Variants in TMEM132D observed in about 807,000 individuals in gnomAD.
TMEM132D encodes transmembrane protein 132D.
A neutral mutation model predicts 62.3 loss-of-function variants in TMEM132D; 21 were observed. The observed-to-expected ratio is 0.34, with a 90% CI of 0.24 to 0.49. The LOEUF is 0.49. Among genes scored for constraint, TMEM132D ranks in the 20% least tolerant of loss-of-function variants. The pLI is 0.99. For synonymous variants in TMEM132D, 621 were observed against 575.6 expected (o/e 1.08, Z -1.13); for missense variants, 1,346 against 1,402.8 (o/e 0.96, Z 0.65).
In TMEM132D at chr12:129,500,865, T is replaced by C. The variant is rs1875118731; in HGVS notation, c.1115+30194A>G. On this transcript the variant is annotated intron_variant, in intron 3 of 8. Coordinates refer to ENST00000422113, the MANE Select transcript of TMEM132D (RefSeq NM_133448.3). ...ACCCCAGTCCTTTGTAGGTACCTGA[T>C]AAACCATCCACCAAGCAGTAATGAA... 2.0e-5 allele frequency among the ~76,000 whole-genome samples: 3 copies of C among 152,206 alleles called. No homozygotes were observed. In the South Asian group the frequency reaches 6.2e-4, roughly 31 times the overall value.
intron 5 of TMEM132D, among the ~76,000 whole-genome samples, chr12:129,195,358 G>T (rs1565993957): frequency 6.6e-6 from 1 of 152,074 alleles, no homozygotes; most frequent in East Asian, 1.9e-4. Context: ...AGGGTGGGGA[G>T]ATGGAATAGG....
chr12:129,338,802 T>C (rs1869373106), intron 3 of TMEM132D, among the ~76,000 whole-genome samples: 1 of 152,220 alleles, frequency 6.6e-6, no homozygotes, highest in Admixed American at 6.5e-5. Context: ...GTGACAAAGC[T>C]ATTGACATTT....
intron 3 of TMEM132D, among the ~76,000 whole-genome samples, chr12:129,374,400 A>G (rs1423458404): frequency 6.6e-6 from 1 of 152,174 alleles, no homozygotes. Context: ...ATTCAAATAC[A>G]GTCACATTGA....
At chr12:129,861,747 C>CT (rs1873906235) in intron 1 of TMEM132D, among the ~76,000 whole-genome samples, 1 of 107,716 alleles carries the variant, frequency 9.3e-6, no homozygotes, top group East Asian at 2.5e-4. Flanking sequence ...GAGAGAGACT[C>CT]TGTCTCAAAG....
At chr12:129,646,111 C>T (rs1261994867) in intron 2 of TMEM132D, among the ~76,000 whole-genome samples, 2 of 152,166 alleles carry the variant, frequency 1.3e-5, no homozygotes, top group African/African-American at 4.8e-5. Flanking sequence ...TCTGTTGGCT[C>T]GTACTTGAAT....
At chr12:129,141,352 A>G (rs111817473) in intron 5 of TMEM132D, among the ~76,000 whole-genome samples, 2 of 152,308 alleles carry the variant, frequency 1.3e-5, no homozygotes, top group African/African-American at 2.4e-5. Context: ...GTGGCTGTCC[A>G]TGTGTTTGTG....
At chr12:129,657,351 A>C (rs1463317228) in intron 2 of TMEM132D, among the ~76,000 whole-genome samples, 1 of 152,142 alleles carries the variant, frequency 6.6e-6, no homozygotes, top group Non-Finnish European at 1.5e-5. Context: ...GGCTGATCTC[A>C]CATTTCCACC....
intron 1 of TMEM132D, among the ~76,000 whole-genome samples, chr12:129,735,144 T>C (rs1232113920): frequency 6.6e-6 from 1 of 152,170 alleles, no homozygotes; most frequent in African/African-American, 2.4e-5. Context: ...ACCTCTTAAT[T>C]ACAGAGCAAT....
chr12:129,367,405 G>A (rs1870449902), intron 3 of TMEM132D, among the ~76,000 whole-genome samples: 1 of 152,080 alleles, frequency 6.6e-6, no homozygotes, highest in Non-Finnish European at 1.5e-5. Context: ...TTCCTTTAGG[G>A]AACTTCCCCT....
intron 3 of TMEM132D, among the ~76,000 whole-genome samples, chr12:129,500,613 AT>A (rs758026330): frequency 2.0e-5 from 3 of 152,154 alleles, no homozygotes; most frequent in Non-Finnish European, 4.4e-5. Flanking sequence ...TCAACTTTTG[AT>A]AAACACAACA....
chr12:129,498,519 G>T (rs532795160), intron 3 of TMEM132D, among the ~76,000 whole-genome samples: 1 of 152,172 alleles, frequency 6.6e-6, no homozygotes, highest in Non-Finnish European at 1.5e-5. Context: ...CTCCTAAAGC[G>T]CTGGGATTAG....
At chr12:129,429,694 AC>A (rs1399217082) in intron 3 of TMEM132D, among the ~76,000 whole-genome samples, 1 of 148,548 alleles carries the variant, frequency 6.7e-6, no homozygotes, top group East Asian at 2.0e-4. Flanking sequence ...TTAACTCGTC[AC>A]TTAGCATTAG....
intron 1 of TMEM132D, among the ~76,000 whole-genome samples, chr12:129,730,334 TATAA>T (rs1308307585): frequency 6.6e-6 from 1 of 152,226 alleles, no homozygotes; most frequent in Non-Finnish European, 1.5e-5. Flanking sequence ...CAATTTATAT[TATAA>T]ATATACTCTG....
intron 3 of TMEM132D, among the ~76,000 whole-genome samples, chr12:129,420,643 C>G (rs1250364001): frequency 1.3e-5 from 2 of 152,122 alleles, no homozygotes; most frequent in African/African-American, 2.4e-5. Flanking sequence ...AACCCCACTG[C>G]CAAGGATGTG....
intron 3 of TMEM132D, among the ~76,000 whole-genome samples, chr12:129,374,480 A>C (rs1445333619): frequency 6.6e-6 from 1 of 152,030 alleles, no homozygotes; most frequent in Non-Finnish European, 1.5e-5. Flanking sequence ...TTGGGCTGGG[A>C]GTGGAAGGGG....
At chr12:129,500,565 G>A (rs1358531057) in intron 3 of TMEM132D, among the ~76,000 whole-genome samples, 1 of 152,218 alleles carries the variant, frequency 6.6e-6, no homozygotes. Flanking sequence ...CCTGGATGGG[G>A]TCTACCTTAG....
Position 129,776,407 on chromosome 12 carries a change from C to A in TMEM132D, c.80-75709G>T, listed in dbSNP as rs570310422. ...TGGAAGTTAAAACAGAAAAACTCAG[C>A]GCCTTCCAATGATGCTTTATTTTAT... On this transcript the variant is annotated intron_variant, in intron 1 of 8. Transcript: ENST00000422113. Among the ~76,000 whole-genome samples, 6 of 152,166 alleles carry A rather than the reference C, an allele frequency of 3.9e-5. No homozygotes were observed. The East Asian group carries it at 1.2e-3, about 29-fold the overall frequency.
At chr12:129,128,524 AC>A (rs1876281762) in intron 5 of TMEM132D, among the ~76,000 whole-genome samples, 1 of 151,810 alleles carries the variant, frequency 6.6e-6, no homozygotes. Context: ...GGGGAAAACC[AC>A]CCCCATGATC....
At chr12:129,284,668 C>A (rs572211268) in intron 4 of TMEM132D, among the ~76,000 whole-genome samples, 2 of 152,328 alleles carry the variant, frequency 1.3e-5, no homozygotes, top group East Asian at 1.9e-4. Flanking sequence ...AGTCCAAATG[C>A]CCATTGGCGG....
Sources: gnomAD v4.1 joint callset for allele counts (sites outside exome capture counted in the v4.1 genomes callset) on GRCh38, gnomAD v4.1.1 for gene constraint, MANE v1.5 for transcripts, NCBI Gene and HGNC (gene_info 2026-07-23, HGNC 2026-07-21) for gene names.